Variants in SLC39A3 observed in about 807,000 individuals in gnomAD.
The protein encoded by SLC39A3 is solute carrier family 39 member 3, also known as zinc transporter ZIP3.
In SLC39A3, 3 loss-of-function variants were observed where a neutral mutation model predicts 5.1. The observed-to-expected ratio is 0.59, with a 90% CI of 0.27 to 1.54. The LOEUF (loss-of-function observed/expected upper bound fraction) is 1.54. SLC39A3 is among the 40% of genes most tolerant of loss of function. The pLI is 0.12. For missense variants in SLC39A3, 412 were observed against 436.4 expected (o/e 0.94, Z 0.50); for synonymous variants, 250 against 218.8 (o/e 1.14, Z -1.26).
rs1914268496 is a variant in SLC39A3, at chr19:2,733,627, G to A, written c.211-142C>T. On this transcript the variant is annotated intron_variant, in intron 2 of 2. Coordinates refer to ENST00000269740, the MANE Select transcript of SLC39A3 (RefSeq NM_144564.5). The surrounding 1 kb of genome is among the most constrained non-coding windows in gnomAD (Gnocchi z 6.1). Reference sequence around the variant, plus strand: ...GGTTAAAACAAGTGGGAGAGGAAGGGCTCGCCTGTGATGAATTAACACCAC... The same window carrying A: ...GGTTAAAACAAGTGGGAGAGGAAGGACTCGCCTGTGATGAATTAACACCAC... The A allele has an allele frequency of 2.7e-6, 3 of 1,130,896 alleles. No homozygotes were observed. The highest frequency in any genetic ancestry group is 3.1e-5 in the African/African-American group (2 of 63,694). The allele number at this position is 1,130,896 out of a possible 1,614,324, so 70.1% of individuals were successfully genotyped here. A position where few individuals can be genotyped will look rare whatever the true frequency, so the allele number is the denominator to read the frequency against.
chr19:2,736,080 G>A (rs1914357123), intron 2 of SLC39A3: 1 of 985,612 alleles, frequency 1.0e-6, no homozygotes, highest in East Asian at 1.1e-4. Context: ...AGCATGGCCA[G>A]GGCTGGTCAC....
At position 2,733,231 on chromosome 19, in the gene SLC39A3, G is replaced by A; in HGVS notation, c.465C>T (p.Pro155=). The A allele has an allele frequency of 2.5e-6, 4 of 1,608,858 alleles. No individual in the cohort carries two copies. The highest frequency in any genetic ancestry group is 3.4e-6 in the Non-Finnish European group (4 of 1,177,606). ...GCGAGAGGCCCTGCACGCTCAGGCTGGGGCCGTGGCCGTGGGGCTCCACGT... is the reference window on the plus strand; with the variant it reads ...GCGAGAGGCCCTGCACGCTCAGGCTAGGGCCGTGGCCGTGGGGCTCCACGT... ...ALYVEPHGHG[P]SLSVQGLSRA... is the part of the protein sequence containing the mutation. The change falls in exon 3 of 3, where the codon CCC becomes CCT. Residue 155 remains proline (P), a synonymous_variant. Transcript: ENST00000269740. This position sits in a 1 kb window ranked among gnomAD's most constrained non-coding sequence, Gnocchi z 6.1.
Position 2,733,341 on chromosome 19 carries a change from C to T in SLC39A3, c.355G>A (p.Glu119Lys). Residue 119 changes from glutamate (E) to lysine (K), a missense_variant, in exon 3 of 3, where the codon GAG becomes AAG. Transcript: ENST00000269740. The surrounding 1 kb of genome is among the most constrained non-coding windows in gnomAD (Gnocchi z 6.1). ...ACGTCCGATCCGGCGTTGAAGGTCT[C>T]CAGGTCGATGAAGGACGGCTTCTCC... Reference protein sequence around the residue: ...RKEKPSFIDLETFNAGSDVGS... With the variant: ...RKEKPSFIDLKTFNAGSDVGS... The T allele has an allele frequency of 1.2e-6, 2 of 1,613,204 alleles. No individual in the cohort carries two copies. The highest frequency in any genetic ancestry group is 2.7e-5 in the African/African-American group (2 of 75,040).
At chr19:2,738,153 G>A (rs1465366919) in intron 1 of SLC39A3, among the ~76,000 whole-genome samples, 1 of 146,196 alleles carries the variant, frequency 6.8e-6, no homozygotes, top group African/African-American at 2.6e-5. Context: ...GAGCCAAGAT[G>A]GCACCACCGC....
chr19:2,732,677 G>A lies in SLC39A3; in HGVS notation c.*74C>T, dbSNP rs1271843553. 4.9e-5 allele frequency: 71 copies of A among 1,438,498 alleles called. No individual in the cohort carries two copies. Among genetic ancestry groups the A allele is most frequent in the Non-Finnish European group, 6.0e-5 (66 of 1,102,464 alleles). The allele number at this position is 1,438,498 out of a possible 1,614,324, so 89.1% of individuals were successfully genotyped here. Reference sequence around the variant, plus strand: ...CAGTGCTCGCTCTTGGGGGACGCGCGGCCGGGGGACGCGGCCTGTGTCCGG... The same window carrying A: ...CAGTGCTCGCTCTTGGGGGACGCGCAGCCGGGGGACGCGGCCTGTGTCCGG... On this transcript the variant is annotated 3_prime_UTR_variant, in exon 3 of 3. Coordinates refer to ENST00000269740, the MANE Select transcript of SLC39A3 (RefSeq NM_144564.5).
At chr19:2,737,463 T>G in intron 1 of SLC39A3, 84 bp from the exon 2 acceptor site, 2 of 906,204 alleles carry the variant, frequency 2.2e-6, no homozygotes, top group Non-Finnish European at 3.2e-6. Flanking sequence ...GTTGCCAGGC[T>G]GGAGTGCAAT....
rs1377275496 is a variant in SLC39A3, at chr19:2,734,744, G to C, written c.211-1259C>G. The C allele has an allele frequency of 2.0e-6, 2 of 985,346 alleles. No individual in the cohort carries two copies. The highest frequency in any genetic ancestry group is 3.5e-5 in the African/African-American group (2 of 57,244). The allele number at this position is 985,346 out of a possible 1,614,324, so 61.0% of individuals were successfully genotyped here. On this transcript the variant is annotated intron_variant, in intron 2 of 2. Transcript: ENST00000269740. The surrounding 1 kb of genome is among the most constrained non-coding windows in gnomAD (Gnocchi z 4.6). ...TGTTCCCTGGGGGCAGTTCACGCTG[G>C]GTGAGCCTCTGCTGCAGCAGAAGGC... is the stretch of plus-strand genomic sequence containing the variant.
chr19:2,737,326 G>T lies in SLC39A3; in HGVS notation c.-69C>A. On this transcript the variant is annotated 5_prime_UTR_variant, in exon 2 of 3. Coordinates refer to ENST00000269740, the MANE Select transcript of SLC39A3 (RefSeq NM_144564.5). The stretch of plus-strand genomic sequence containing the variant: ...CTGTGGGCGCACACCCAAGTCCCAC[G>T]ATGTGCTACCGAGCCCAACCACACA... 1 of 1,516,906 alleles carries T rather than the reference G, an allele frequency of 6.6e-7. No individual in the cohort carries two copies. The highest frequency in any genetic ancestry group is 2.3e-4 in the Middle Eastern group (1 of 4,360). The allele number at this position is 1,516,906 out of a possible 1,614,324, so 94.0% of individuals were successfully genotyped here.
At chr19:2,737,727 C>T (rs767379224) in intron 1 of SLC39A3, 4 of 167,438 alleles carry the variant, frequency 2.4e-5, no homozygotes, top group Non-Finnish European at 3.9e-5. Flanking sequence ...TTTTGGAACT[C>T]GGACTGGCTC....
At position 2,735,754 on chromosome 19, in the gene SLC39A3, G is replaced by C; in HGVS notation, c.210+1294C>G. The C allele has an allele frequency of 1.2e-6, 1 of 802,054 alleles. No homozygotes were observed. The highest frequency in any genetic ancestry group is 1.9e-5 in the African/African-American group (1 of 53,490). 49.7% of individuals were successfully genotyped at this position (802,054 alleles called of 1,614,324 possible). ...GGCAGTCCCAGCCCTACCCACACTC[G>C]AGGGGAGGGAAGAGCATGGGGCGTG... On this transcript the variant is annotated intron_variant, in intron 2 of 2. Coordinates refer to ENST00000269740, the MANE Select transcript of SLC39A3 (RefSeq NM_144564.5). This position sits in a 1 kb window ranked among gnomAD's most constrained non-coding sequence, Gnocchi z 5.7.
At chr19:2,736,854 C>A (rs1013298858) in intron 2 of SLC39A3, 194 bp downstream of exon 2, 3 of 1,484,026 alleles carry the variant, frequency 2.0e-6, no homozygotes, top group Admixed American at 2.3e-5. Flanking sequence ...CTGGTCCAAA[C>A]CCCTTGTTTG....
chr19:2,734,674 G>A lies in SLC39A3; in HGVS notation c.211-1189C>T. 1 of 943,590 alleles carries A rather than the reference G, an allele frequency of 1.1e-6. No homozygotes were observed. The highest frequency in any genetic ancestry group is 4.9e-5 in the South Asian group (1 of 20,478). The allele number at this position is 943,590 out of a possible 1,614,324, so 58.5% of individuals were successfully genotyped here. ...GGCCTCCACCCACTCCAGGCCAGGA[G>A]CACCCCCCATCGTGACAACCACAAT... On this transcript the variant is annotated intron_variant, in intron 2 of 2. Transcript: ENST00000269740. This position sits in a 1 kb window ranked among gnomAD's most constrained non-coding sequence, Gnocchi z 4.6.
rs954259104 is a variant in SLC39A3, at chr19:2,733,028, G to A, written c.668C>T (p.Ala223Val). ...VALGISMARS[A>V]MPLRDAAKLA... ...CTTGGCCGCGTCCCGCAGGGGCATGGCACTCCGGGCCATGCTGATGCCCAG... is the reference window on the plus strand; with the variant it reads ...CTTGGCCGCGTCCCGCAGGGGCATGACACTCCGGGCCATGCTGATGCCCAG... Residue 223 changes from alanine to valine, a missense_variant, in exon 3 of 3, where the codon GCC (alanine) becomes GTC (valine). Coordinates refer to ENST00000269740, the MANE Select transcript of SLC39A3 (RefSeq NM_144564.5). This position sits in a 1 kb window ranked among gnomAD's most constrained non-coding sequence, Gnocchi z 6.1. 5.6e-6 allele frequency: 9 copies of A among 1,605,920 alleles called. No homozygotes were observed. Among genetic ancestry groups the A allele is most frequent in the Non-Finnish European group, 7.6e-6 (9 of 1,176,576 alleles).
rs530591510 is a variant in SLC39A3, at chr19:2,735,951, G to A, written c.210+1097C>T. On this transcript the variant is annotated intron_variant, in intron 2 of 2. Coordinates refer to ENST00000269740, the MANE Select transcript of SLC39A3 (RefSeq NM_144564.5). This position sits in a 1 kb window ranked among gnomAD's most constrained non-coding sequence, Gnocchi z 5.7. ...ATAAGCTTAGGGCTTCCATGCTTTC[G>A]TTGGGAGGAAGAACAGGGGGTCCTC... The A allele has an allele frequency of 3.8e-5, 37 of 985,440 alleles. No individual in the cohort carries two copies. The Admixed American group carries it at 6.1e-4, about 16-fold the overall frequency. The allele number at this position is 985,440 out of a possible 1,614,324, so 61.0% of individuals were successfully genotyped here.
At chr19:2,738,873 G>A (rs1487149819) in intron 1 of SLC39A3, among the ~76,000 whole-genome samples, 2 of 151,128 alleles carry the variant, frequency 1.3e-5, no homozygotes, top group Non-Finnish European at 3.0e-5. Flanking sequence ...GGAGGTGGAG[G>A]TTGCAGTGAG....
At position 2,732,837 on chromosome 19, in the gene SLC39A3, C is replaced by T. The variant is rs1457831517; in HGVS notation, c.859G>A (p.Glu287Lys). Residue 287 changes from glutamate (E) to lysine (K), a missense_variant, in exon 3 of 3, where the codon GAG (glutamate) becomes AAG (lysine). Physicochemically the swap from Glu to Lys is moderately conservative, Grantham distance 56 (BLOSUM62 1). Transcript: ENST00000269740. ...TFLEILAKEL[E>K]EKSDRLLKVL... ...TTGAGCAGACGGTCACTCTTCTCCTCCAGCTCCTTGGCCAGGATCTCCAGG... is the reference window on the plus strand; with the variant it reads ...TTGAGCAGACGGTCACTCTTCTCCTTCAGCTCCTTGGCCAGGATCTCCAGG... 1 of 1,612,038 alleles carries T rather than the reference C, an allele frequency of 6.2e-7. No homozygotes were observed. Among genetic ancestry groups the T allele is most frequent in the Admixed American group, 1.7e-5 (1 of 59,984 alleles).
upstream of SLC39A3, chr19:2,740,044 C>A (rs1232701500): frequency 6.6e-6 from 1 of 152,282 alleles, no homozygotes; most frequent in Non-Finnish European, 1.5e-5. Flanking sequence ...CCGCTCGGCG[C>A]GGCTGGTCCA....
chr19:2,737,696 T>C (rs1914418263), intron 1 of SLC39A3: 1 of 177,256 alleles, frequency 5.6e-6, no homozygotes, highest in East Asian at 1.6e-4. Flanking sequence ...CGTGAGCCAC[T>C]GCACCTGGCC....
intron 2 of SLC39A3, chr19:2,736,421 G>A (rs1914370188): frequency 5.3e-6 from 1 of 187,692 alleles, no homozygotes; most frequent in Non-Finnish European, 1.1e-5. Context: ...ATGCTGGGGA[G>A]GTCCACGTGG....
Sources: gnomAD v4.1 joint callset for allele counts (sites outside exome capture counted in the v4.1 genomes callset) on GRCh38, gnomAD v4.1.1 for gene constraint, Gnocchi (gnomAD v3.1) non-coding constraint, MANE v1.5 for transcripts, NCBI Gene and HGNC (gene_info 2026-07-23, HGNC 2026-07-21) for gene names.